The following ZNF407 variants were observed in gnomAD, a reference collection of about 807,000 sequenced individuals.
The protein encoded by ZNF407 is zinc finger protein 407.
ZNF407 carries 17 observed loss-of-function variants against 131.2 expected under a neutral mutation model. The ratio of observed to expected loss-of-function variants is 0.13; its 90% CI spans 0.09 to 0.19. The LOEUF (loss-of-function observed/expected upper bound fraction) is 0.19, where lower values mean the gene tolerates loss of function less well. Ranked by LOEUF, ZNF407 falls within the 10% of genes least tolerant of loss-of-function variation. The pLI is 1.00. For synonymous variants in ZNF407, 1,156 were observed against 1,062.0 expected (o/e 1.09, Z -1.72); for missense variants, 2,681 against 2,830.6 (o/e 0.95, Z 1.20).
chr18:75,059,337 G>C (rs1225705441), intron 8 of ZNF407, among the ~76,000 whole-genome samples: 1 of 152,178 alleles, frequency 6.6e-6, no homozygotes, highest in Admixed American at 6.5e-5. Context: ...CTGAAGAAGA[G>C]GATGTTTGTT....
chr18:75,056,100 ACTC>A (rs1449736841), intron 8 of ZNF407, among the ~76,000 whole-genome samples: 4 of 151,876 alleles, frequency 2.6e-5, no homozygotes, highest in Non-Finnish European at 4.4e-5. Context: ...AGTTACCAAA[ACTC>A]CTTTTAATTA....
chr18:75,017,952 C>T lies in ZNF407; in HGVS notation c.5429-45198C>T, dbSNP rs1457793718. On this transcript the variant is annotated intron_variant, in intron 8 of 8. Coordinates refer to ENST00000299687, the MANE Select transcript of ZNF407 (RefSeq NM_017757.3). ...TTTAACTAATTTCTAGCAAAAGGTC[C>T]ACTAAGCAAACTGTAATTGAATTCA... Among the ~76,000 whole-genome samples, 6 of 152,198 alleles carry T rather than the reference C, an allele frequency of 3.9e-5. No homozygotes were observed. The East Asian group carries it at 1.2e-3, about 29-fold the overall frequency.
At chr18:74,955,251 C>T (rs1278748675) in intron 8 of ZNF407, among the ~76,000 whole-genome samples, 3 of 151,786 alleles carry the variant, frequency 2.0e-5, no homozygotes, top group East Asian at 1.9e-4. Context: ...AGGCACATCT[C>T]GGGGAGCCAC....
At chr18:74,675,739 A>G (rs891560807) in intron 3 of ZNF407, among the ~76,000 whole-genome samples, 5 of 152,090 alleles carry the variant, frequency 3.3e-5, no homozygotes, top group African/African-American at 9.7e-5. Context: ...ATTATCCTTG[A>G]CTTATCCATG....
intron 4 of ZNF407, among the ~76,000 whole-genome samples, chr18:74,795,236 G>C (rs1454383229): frequency 6.6e-6 from 1 of 152,086 alleles, no homozygotes; most frequent in African/African-American, 2.4e-5. Context: ...TTTATACTCT[G>C]GGGCCGTTGG....
At chr18:74,886,427 A>C (rs907952735) in intron 6 of ZNF407, among the ~76,000 whole-genome samples, 1 of 152,258 alleles carries the variant, frequency 6.6e-6, no homozygotes, top group East Asian at 1.9e-4. Flanking sequence ...AGGGATGTTC[A>C]TATAATGACT....
intron 4 of ZNF407, among the ~76,000 whole-genome samples, chr18:74,783,797 G>C (rs996858225): frequency 2.6e-5 from 4 of 152,160 alleles, no homozygotes; most frequent in African/African-American, 9.7e-5. Context: ...AGTACTTCAA[G>C]CAGCAACATT....
intron 3 of ZNF407, among the ~76,000 whole-genome samples, chr18:74,664,832 G>A (rs1985868808): frequency 6.6e-6 from 1 of 152,148 alleles, no homozygotes; most frequent in African/African-American, 2.4e-5. Context: ...GCACCAGGCA[G>A]TAGGAATAGA....
intron 8 of ZNF407, among the ~76,000 whole-genome samples, chr18:74,954,329 T>G (rs573328282): frequency 3.6e-4 from 55 of 152,228 alleles, no homozygotes; most frequent in Non-Finnish European, 6.5e-4. Context: ...CTTTGTATAC[T>G]ATTGTTAATA....
rs1568131691 is a variant in ZNF407, at chr18:74,632,008, T to C, written c.989T>C (p.Phe330Ser). 1 of 1,613,936 alleles carries C rather than the reference T, an allele frequency of 6.2e-7. No individual in the cohort carries two copies. The highest frequency in any genetic ancestry group is 1.7e-5 in the Admixed American group (1 of 60,016). Residue 330 changes from phenylalanine to serine, a missense_variant, in exon 2 of 9, where the codon TTC (phenylalanine) becomes TCC (serine). Physicochemically the swap from Phe to Ser is radical, Grantham distance 155. Around this residue, in one of 6 missense-constraint regions of ZNF407, gnomAD observed 1,789 missense variants for 1,748.7 expected, o/e 1.02. Transcript: ENST00000299687. ...AATGTGGGAAGCACGTTTAAAGATTTCAGAGGAAGTATTTCTAAACAAAGT... is the reference window on the plus strand; with the variant it reads ...AATGTGGGAAGCACGTTTAAAGATTCCAGAGGAAGTATTTCTAAACAAAGT... The part of the protein sequence containing the change: ...LRNVGSTFKD[F>S]RGSISKQSGS...
intron 5 of ZNF407, 127 bp downstream of exon 5, chr18:74,877,490 G>T: frequency 1.1e-6 from 1 of 931,436 alleles, no homozygotes; most frequent in East Asian, 2.4e-5. Context: ...CTTTAAGATT[G>T]TGGTAATTAT....
intron 6 of ZNF407, among the ~76,000 whole-genome samples, chr18:74,885,040 A>G (rs1477868932): frequency 5.3e-5 from 8 of 152,308 alleles, no homozygotes; most frequent in African/African-American, 1.9e-4. Flanking sequence ...ATAAGGAGAC[A>G]TCAGAATATA....
chr18:74,743,416 A>G (rs1968595875), intron 3 of ZNF407, among the ~76,000 whole-genome samples: 1 of 151,982 alleles, frequency 6.6e-6, no homozygotes, highest in African/African-American at 2.4e-5. Context: ...ATTCTTGCTT[A>G]ATGGTTTGGT....
chr18:74,861,826 A>C (rs1402511877), intron 4 of ZNF407, among the ~76,000 whole-genome samples: 3 of 152,058 alleles, frequency 2.0e-5, no homozygotes, highest in Admixed American at 2.0e-4. Flanking sequence ...CTTACTGTAA[A>C]TGGTAATGAT....
chr18:74,878,848 CTGTT>C (rs1971197119), intron 5 of ZNF407, among the ~76,000 whole-genome samples: 1 of 148,978 alleles, frequency 6.7e-6, no homozygotes, highest in South Asian at 2.1e-4. Context: ...AAAAAACACT[CTGTT>C]TGGCTGCTGA....
intron 8 of ZNF407, among the ~76,000 whole-genome samples, chr18:74,972,360 A>C (rs1972482468): frequency 6.6e-6 from 1 of 152,148 alleles, no homozygotes; most frequent in Non-Finnish European, 1.5e-5. Context: ...GTACTAGGAG[A>C]AAGTAGAGAG....
At chr18:74,798,900 A>G (rs538537767) in intron 4 of ZNF407, among the ~76,000 whole-genome samples, 1 of 152,236 alleles carries the variant, frequency 6.6e-6, no homozygotes, top group South Asian at 2.1e-4. Flanking sequence ...GATTTATAAT[A>G]GTGTTGATGC....
intron 3 of ZNF407, among the ~76,000 whole-genome samples, chr18:74,700,570 C>T (rs1244004087): frequency 6.6e-6 from 1 of 152,162 alleles, no homozygotes; most frequent in Non-Finnish European, 1.5e-5. Flanking sequence ...CCACCTCCCC[C>T]CAATTCTAGA....
At chr18:74,644,882 C>A (rs1210235087) in intron 3 of ZNF407, among the ~76,000 whole-genome samples, 1 of 151,226 alleles carries the variant, frequency 6.6e-6, no homozygotes, top group African/African-American at 2.4e-5. Flanking sequence ...TTTTTTCTCT[C>A]TAGGTTGTTT....
Sources: allele counts gnomAD v4.1 joint callset (sites outside exome capture counted in the v4.1 genomes callset), GRCh38; gene constraint gnomAD v4.1.1; regional missense constraint gnomAD v4.1.1; transcripts MANE v1.5; gene names NCBI Gene and HGNC (gene_info 2026-07-23, HGNC 2026-07-21).